The following NRP1 variants were observed in gnomAD, a reference collection of about 807,000 sequenced individuals.
The protein encoded by NRP1 is neuropilin 1.
A neutral mutation model predicts 106.7 loss-of-function variants in NRP1; 35 were observed. The observed-to-expected ratio is 0.33, with a 90% CI of 0.25 to 0.43. NRP1 has a LOEUF of 0.43. Among genes scored for constraint, NRP1 ranks in the 20% least tolerant of loss-of-function variants. The pLI is 1.00. For missense variants in NRP1, 1,024 were observed against 1,170.4 expected (o/e 0.87, Z 1.83); for synonymous variants, 437 against 417.9 (o/e 1.05, Z -0.56).
intron 2 of NRP1, among the ~76,000 whole-genome samples, chr10:33,313,137 G>A (rs905412931): frequency 6.6e-6 from 1 of 152,186 alleles, no homozygotes; most frequent in Non-Finnish European, 1.5e-5. Context: ...GTAAGACTAA[G>A]GTCTAGGTGA....
Position 33,180,185 on chromosome 10 carries a change from A to G in NRP1, c.2663T>C (p.Met888Thr). 6.2e-7 allele frequency: 1 copy of G among 1,614,174 alleles called. No individual in the cohort carries two copies. The highest frequency in any genetic ancestry group is 8.5e-7 in the Non-Finnish European group (1 of 1,180,028). Residue 888 changes from methionine (M) to threonine (T), a missense_variant, in exon 17 of 17, where the codon ATG becomes ACG. Coordinates refer to ENST00000374867, the MANE Select transcript of NRP1 (RefSeq NM_003873.7). Reference protein sequence around the residue: ...VLYCACWHNGMSERNLSALEN... With the variant: ...VLYCACWHNGTSERNLSALEN... ...CAGGGCAGACAAGTTTCTTTCTGAC[A>G]TCCCATTATGCCAACAGGCACAGTA...
chr10:33,233,765 G>T (rs1840343925), intron 6 of NRP1, among the ~76,000 whole-genome samples: 1 of 152,150 alleles, frequency 6.6e-6, no homozygotes, highest in African/African-American at 2.4e-5. Context: ...TTTTTTGAGG[G>T]GGAGACTGTC....
Position 33,180,492 on chromosome 10 carries a change from C to T in NRP1, c.2483-127G>A, listed in dbSNP as rs1028622296. On this transcript the variant is annotated intron_variant, in intron 16 of 16. Transcript: ENST00000374867. Reference sequence around the variant, plus strand: ...CCAGTTTTGCCTGTCATATCTGACTCATTGTTGGGAACAGAAGTGTGGGAG... The same window carrying T: ...CCAGTTTTGCCTGTCATATCTGACTTATTGTTGGGAACAGAAGTGTGGGAG... 21 of 919,856 alleles carry T rather than the reference C, an allele frequency of 2.3e-5. No individual in the cohort carries two copies. In the African/African-American group the frequency reaches 2.3e-4, roughly 10 times the overall value. 57.0% of individuals were successfully genotyped at this position (919,856 alleles called of 1,614,324 possible).
chr10:33,221,203 C>T (rs983111954), intron 8 of NRP1, among the ~76,000 whole-genome samples: 5 of 152,062 alleles, frequency 3.3e-5, no homozygotes, highest in African/African-American at 4.8e-5. Flanking sequence ...AGAGCAAGAC[C>T]CTGTCTCAAA....
chr10:33,213,491 C>T lies in NRP1; in HGVS notation c.1509G>A (p.Gly503=). The change falls in exon 9 of 17, where the codon GGG becomes GGA. Residue 503 remains glycine (G), a synonymous_variant. Transcript: ENST00000374867. ...KIVRGIIIQG[G]KHRENKVFMR... is the part of the protein sequence containing the mutation. ...TGAACACCTTGTTCTCTCGGTGCTT[C>T]CCACCCTGAATGATGATGCCCCTCA... 6.2e-7 allele frequency: 1 copy of T among 1,614,060 alleles called. No homozygotes were observed. The highest frequency in any genetic ancestry group is 8.5e-7 in the Non-Finnish European group (1 of 1,180,006).
intron 2 of NRP1, among the ~76,000 whole-genome samples, chr10:33,280,811 G>A (rs768537145): frequency 6.6e-5 from 10 of 151,956 alleles, no homozygotes; most frequent in South Asian, 2.1e-4. Context: ...GTGAAAGCCC[G>A]TCTCTACCAA....
At chr10:33,239,018 C>T (rs1404273055) in intron 6 of NRP1, among the ~76,000 whole-genome samples, 9 of 151,890 alleles carry the variant, frequency 5.9e-5, no homozygotes, top group Non-Finnish European at 1.0e-4. Context: ...AGGCCAGGCA[C>T]GGTGGCTCAT....
chr10:33,253,917 C>G (rs1418564182), intron 6 of NRP1, 111 bp downstream of exon 6: 2 of 928,600 alleles, frequency 2.2e-6, no homozygotes, highest in Non-Finnish European at 3.2e-6. Flanking sequence ...TGGCCGTGAA[C>G]CTATCTTCTC....
chr10:33,205,935 A>T (rs933865849), intron 10 of NRP1: 7 of 214,954 alleles, frequency 3.3e-5, no homozygotes, highest in African/African-American at 1.4e-4. Flanking sequence ...TTTGGGAAAG[A>T]GCTGTCATTG....
chr10:33,189,585 A>C (rs955594526), intron 13 of NRP1, among the ~76,000 whole-genome samples: 1 of 152,196 alleles, frequency 6.6e-6, no homozygotes, highest in Non-Finnish European at 1.5e-5. Context: ...AGAGCTTCTC[A>C]AATACCACTT....
chr10:33,264,326 A>G lies in NRP1; in HGVS notation c.431-453T>C, dbSNP rs141558822. 1.5e-3 allele frequency among the ~76,000 whole-genome samples: 222 copies of G among 152,344 alleles called. No individual in the cohort carries two copies. In the Middle Eastern group the frequency reaches 0.017, roughly 12 times the overall value. On this transcript the variant is annotated intron_variant, in intron 3 of 16. Coordinates refer to ENST00000374867, the MANE Select transcript of NRP1 (RefSeq NM_003873.7). The stretch of plus-strand genomic sequence containing the variant: ...GGCAGTTTGGGTTTCAGATTCCTAC[A>G]CCAGTGACTCAGTAACTCTGCCAGA...
At chr10:33,238,217 T>C (rs1283394907) in intron 6 of NRP1, among the ~76,000 whole-genome samples, 1 of 152,244 alleles carries the variant, frequency 6.6e-6, no homozygotes, top group Non-Finnish European at 1.5e-5. Flanking sequence ...CAGCACACGC[T>C]GCAGCTCCTA....
chr10:33,198,761 A>AC (rs1380401718), intron 11 of NRP1, among the ~76,000 whole-genome samples: 4 of 140,556 alleles, frequency 2.8e-5, no homozygotes, highest in African/African-American at 9.9e-5. Context: ...GTAAGATGCT[A>AC]TGGTTCCTCC....
chr10:33,296,235 C>T (rs1274264019), intron 2 of NRP1, among the ~76,000 whole-genome samples: 5 of 152,194 alleles, frequency 3.3e-5, no homozygotes, highest in Non-Finnish European at 1.5e-5. Context: ...CTTTCAGCTC[C>T]ATCCTCGGGC....
At chr10:33,293,334 GAAACAGGGGCC>G (rs1845136383) in intron 2 of NRP1, among the ~76,000 whole-genome samples, 1 of 152,190 alleles carries the variant, frequency 6.6e-6, no homozygotes, top group Admixed American at 6.5e-5. Flanking sequence ...GAGGAAAACA[GAAACAGGGGCC>G]TCCTTAGAAT....
intron 6 of NRP1, among the ~76,000 whole-genome samples, chr10:33,237,082 A>C (rs898361106): frequency 2.0e-5 from 3 of 152,030 alleles, no homozygotes; most frequent in African/African-American, 4.8e-5. Flanking sequence ...ACACAGCTGC[A>C]TCCCAAAGCC....
intron 3 of NRP1, among the ~76,000 whole-genome samples, chr10:33,267,437 A>C (rs1842997629): frequency 6.6e-6 from 1 of 152,196 alleles, no homozygotes; most frequent in Admixed American, 6.5e-5. Context: ...TATAGCTATA[A>C]GGAATGCCAC....
Position 33,334,438 on chromosome 10 carries a change from T to A in NRP1, c.-56A>T. 1 of 1,456,876 alleles carries A rather than the reference T, an allele frequency of 6.9e-7. No homozygotes were observed. The allele number at this position is 1,456,876 out of a possible 1,614,324, so 90.2% of individuals were successfully genotyped here. On this transcript the variant is annotated 5_prime_UTR_variant, in exon 1 of 17. Coordinates refer to ENST00000374867, the MANE Select transcript of NRP1 (RefSeq NM_003873.7). ...GGGAGAACGAGGACGTGGGGGGAAATGCAGCAAAGAGGAGAATCTAAGCGA... is the reference window on the plus strand; with the variant it reads ...GGGAGAACGAGGACGTGGGGGGAAAAGCAGCAAAGAGGAGAATCTAAGCGA...
chr10:33,291,039 A>G (rs933447668), intron 2 of NRP1, among the ~76,000 whole-genome samples: 30 of 152,324 alleles, frequency 2.0e-4, no homozygotes, highest in Admixed American at 9.8e-4. Flanking sequence ...TCATTCTGCC[A>G]ATAGCACTTT....
Sources: gnomAD v4.1 joint callset for allele counts (sites outside exome capture counted in the v4.1 genomes callset) on GRCh38, gnomAD v4.1.1 for gene constraint, MANE v1.5 for transcripts, NCBI Gene and HGNC (gene_info 2026-07-23, HGNC 2026-07-21) for gene names.